The following SHISA9 variants were observed in gnomAD, a reference collection of about 807,000 sequenced individuals.
SHISA9 encodes the protein shisa family member 9.
A neutral mutation model predicts 38.0 loss-of-function variants in SHISA9; 13 were observed. That is an observed-to-expected ratio of 0.34 (90% confidence interval 0.22 to 0.54). The LOEUF is 0.54. Among genes scored for constraint, SHISA9 ranks in the 20% least tolerant of loss-of-function variants. SHISA9 has a pLI of 0.91. For synonymous variants in SHISA9, 275 were observed against 242.0 expected (o/e 1.14, Z -1.27); for missense variants, 538 against 575.8 (o/e 0.93, Z 0.67).
chr16:13,114,920 A>ATCCATCCG (rs1272315752), intron 2 of SHISA9, among the ~76,000 whole-genome samples: 1 of 151,760 alleles, frequency 6.6e-6, no homozygotes, highest in Non-Finnish European at 1.5e-5. Flanking sequence ...CCATCCATCC[A>ATCCATCCG]TCCATCCATC....
the SHISA9 span, among the ~76,000 whole-genome samples, chr16:13,450,594 A>G: frequency 9.2e-5 from 14 of 152,352 alleles, no homozygotes; most frequent in East Asian, 2.7e-3. Flanking sequence ...TGCAGACACA[A>G]TTATAAACGA....
At chr16:13,365,040 G>A in the SHISA9 span, among the ~76,000 whole-genome samples, 1 of 152,126 alleles carries the variant, frequency 6.6e-6, no homozygotes, top group African/African-American at 2.4e-5. Context: ...AATGATGATG[G>A]TGGTGATGAT....
At chr16:12,940,981 A>T (rs891019331) in intron 2 of SHISA9, among the ~76,000 whole-genome samples, 1 of 152,224 alleles carries the variant, frequency 6.6e-6, no homozygotes, top group Admixed American at 6.5e-5. Context: ...ACCAGTTATC[A>T]TGTTTTGCTA....
At chr16:13,086,977 C>A (rs2073718552) in intron 2 of SHISA9, among the ~76,000 whole-genome samples, 2 of 148,544 alleles carry the variant, frequency 1.3e-5, no homozygotes, top group East Asian at 2.0e-4. Context: ...CCCCACCCCC[C>A]AACAGGCCCC....
the SHISA9 span, among the ~76,000 whole-genome samples, chr16:13,534,328 G>A: frequency 6.6e-6 from 1 of 150,742 alleles, no homozygotes; most frequent in African/African-American, 2.4e-5. Context: ...GGGCTTAAGT[G>A]ATTCTCATGT....
the SHISA9 span, among the ~76,000 whole-genome samples, chr16:13,546,108 G>C: frequency 6.3e-4 from 96 of 152,264 alleles, no homozygotes; most frequent in African/African-American, 2.3e-3. Context: ...CTTGTCTTTG[G>C]AGATGTCTTT....
At chr16:13,492,122 T>C in the SHISA9 span, among the ~76,000 whole-genome samples, 1 of 151,968 alleles carries the variant, frequency 6.6e-6, no homozygotes, top group Non-Finnish European at 1.5e-5. Context: ...CCTTGGAGCA[T>C]CAGGCAAGGC....
chr16:12,938,680 T>G (rs1202514958), intron 2 of SHISA9, among the ~76,000 whole-genome samples: 1 of 152,054 alleles, frequency 6.6e-6, no homozygotes, highest in East Asian at 1.9e-4. Context: ...TTTTTGTATT[T>G]TTAGTAGAGA....
intron 2 of SHISA9, among the ~76,000 whole-genome samples, chr16:12,951,298 C>T (rs543139176): frequency 4.7e-5 from 7 of 149,264 alleles, no homozygotes; most frequent in Admixed American, 2.7e-4. Context: ...ACCTGGCTCA[C>T]GCTTGTGGCT....
At chr16:12,998,208 G>A (rs1170905039) in intron 2 of SHISA9, among the ~76,000 whole-genome samples, 3 of 152,178 alleles carry the variant, frequency 2.0e-5, no homozygotes, top group Non-Finnish European at 4.4e-5. Flanking sequence ...GAACATATAG[G>A]GAAGCAGGTT....
chr16:13,128,203 A>C (rs182330033), intron 2 of SHISA9, among the ~76,000 whole-genome samples: 2 of 152,244 alleles, frequency 1.3e-5, no homozygotes, highest in African/African-American at 4.8e-5. Context: ...TTAGCACAAA[A>C]AGGCTCTCCT....
At chr16:13,346,306 A>G in the SHISA9 span, among the ~76,000 whole-genome samples, 1 of 152,182 alleles carries the variant, frequency 6.6e-6, no homozygotes, top group African/African-American at 2.4e-5. Flanking sequence ...CTGCGACGCC[A>G]CCAGATATTC....
the SHISA9 span, among the ~76,000 whole-genome samples, chr16:13,469,312 G>GAAAGAA: frequency 7.9e-5 from 4 of 50,634 alleles, no homozygotes; most frequent in East Asian, 1.2e-3. Context: ...CAGAGAGAGA[G>GAAAGAA]AGAGAGAGAG....
the SHISA9 span, among the ~76,000 whole-genome samples, chr16:13,465,719 AT>A: frequency 6.6e-6 from 1 of 152,190 alleles, no homozygotes. Context: ...TCAAGCCCCA[AT>A]CTGTCTGACT....
intron 1 of SHISA9, among the ~76,000 whole-genome samples, chr16:12,912,139 T>C (rs1255577662): frequency 6.7e-6 from 1 of 149,490 alleles, no homozygotes; most frequent in Non-Finnish European, 1.5e-5. Context: ...ACAAAAAAGT[T>C]CTGACATTTC....
the SHISA9 span, among the ~76,000 whole-genome samples, chr16:13,560,615 G>A: frequency 3.3e-5 from 5 of 152,112 alleles, no homozygotes; most frequent in South Asian, 8.3e-4. Context: ...ATTGCTCCAG[G>A]TTCCATGCTA....
At chr16:13,312,185 C>T in the SHISA9 span, among the ~76,000 whole-genome samples, 1 of 152,136 alleles carries the variant, frequency 6.6e-6, no homozygotes, top group African/African-American at 2.4e-5. Flanking sequence ...TTGCACAATG[C>T]CCCAAGTGTG....
intron 2 of SHISA9, among the ~76,000 whole-genome samples, chr16:13,001,940 T>C (rs2072531273): frequency 6.6e-6 from 1 of 152,232 alleles, no homozygotes; most frequent in South Asian, 2.1e-4. Context: ...TCATGTGTAT[T>C]GAGTGTTCAC....
At chr16:13,358,498 T>A in the SHISA9 span, among the ~76,000 whole-genome samples, 1 of 152,192 alleles carries the variant, frequency 6.6e-6, no homozygotes, top group Non-Finnish European at 1.5e-5. Context: ...GGGGATTACA[T>A]AAAATATTCC....
Sources: gnomAD v4.1 joint callset for allele counts (sites outside exome capture counted in the v4.1 genomes callset) on GRCh38, gnomAD v4.1.1 for gene constraint, MANE v1.5 for transcripts, NCBI Gene and HGNC (gene_info 2026-07-23, HGNC 2026-07-21) for gene names.